KAZN: variants seen among roughly 807,000 people sequenced by gnomAD.
KAZN encodes kazrin, periplakin interacting protein.
In KAZN, 40 loss-of-function variants were observed where a neutral mutation model predicts 87.4. That is an observed-to-expected ratio of 0.46 (90% confidence interval 0.36 to 0.60). The LOEUF is 0.60. Ranked by LOEUF, KAZN falls within the 20% of genes least tolerant of loss-of-function variation. The probability of loss-of-function intolerance (pLI) is 0.00; values close to 1 mark genes in which losing one functional copy is unlikely to be tolerated. For missense variants in KAZN, 898 were observed against 1,073.9 expected (o/e 0.84, Z 2.29); for synonymous variants, 466 against 458.3 (o/e 1.02, Z -0.22).
chr1:14,365,761 G>A (rs1659944621), intron 2 of KAZN, among the ~76,000 whole-genome samples: 1 of 152,154 alleles, frequency 6.6e-6, no homozygotes, highest in Non-Finnish European at 1.5e-5. Flanking sequence ...CCTCAGTTAA[G>A]AACCTCCGGG....
chr1:15,049,032 G>A (rs1674002575), intron 4 of KAZN, among the ~76,000 whole-genome samples: 1 of 152,218 alleles, frequency 6.6e-6, no homozygotes, highest in Admixed American at 6.5e-5. Context: ...ACTCCAGTGA[G>A]GTCTGTATTC....
intron 1 of KAZN, among the ~76,000 whole-genome samples, chr1:14,953,708 A>G (rs1167016460): frequency 6.6e-6 from 1 of 152,180 alleles, no homozygotes; most frequent in African/African-American, 2.4e-5. Context: ...GGCTGGATTT[A>G]CAAACCTACG....
chr1:14,246,720 A>G (rs1649549350), intron 2 of KAZN, among the ~76,000 whole-genome samples: 1 of 152,184 alleles, frequency 6.6e-6, no homozygotes, highest in Non-Finnish European at 1.5e-5. Context: ...GTAAATCTTC[A>G]TAAACAGCCT....
chr1:14,481,432 A>AG (rs1449079672), intron 2 of KAZN, among the ~76,000 whole-genome samples: 1 of 151,850 alleles, frequency 6.6e-6, no homozygotes, highest in African/African-American at 2.4e-5. Flanking sequence ...TAGAAAAAAA[A>AG]CTATCAAATA....
In KAZN at chr1:14,364,506, AGAGTT is replaced by A. The variant is rs1416429477; in HGVS notation, c.249+183915_249+183919del. 9.2e-5 allele frequency among the ~76,000 whole-genome samples: 14 copies of A among 152,154 alleles called. 1 individual carries two copies. The highest frequency in any genetic ancestry group is 1.7e-4 in the African/African-American group (7 of 41,396). On this transcript the variant is annotated intron_variant, in intron 2 of 16. Transcript: ENST00000636203. ...ATGGGAATAATGATGCTGGCCTAAT[AGAGTT>A]ATTTAGCATAACAGTATATAGGAAA...
chr1:14,420,583 C>G (rs1414818837), intron 2 of KAZN, among the ~76,000 whole-genome samples: 3 of 152,338 alleles, frequency 2.0e-5, no homozygotes, highest in Non-Finnish European at 4.4e-5. Context: ...TTGGGCAGCT[C>G]AGGAGCCCAC....
At chr1:14,902,173 G>C (rs1473278240) in intron 1 of KAZN, among the ~76,000 whole-genome samples, 1 of 152,076 alleles carries the variant, frequency 6.6e-6, no homozygotes, top group Admixed American at 6.5e-5. Flanking sequence ...TTTAAGACAT[G>C]CTTTGATGGA....
At chr1:13,943,747 T>C (rs1641029582) in intron 1 of KAZN, among the ~76,000 whole-genome samples, 1 of 151,994 alleles carries the variant, frequency 6.6e-6, no homozygotes, top group South Asian at 2.1e-4. Flanking sequence ...AAGAAGCCTA[T>C]ATGGTATATA....
intron 2 of KAZN, among the ~76,000 whole-genome samples, chr1:14,432,525 C>T (rs574715899): frequency 3.9e-5 from 6 of 152,120 alleles, no homozygotes; most frequent in South Asian, 2.1e-4. Context: ...CGAATCATTG[C>T]GATTGGCTGT....
At chr1:14,733,977 G>A (rs146450220) in intron 1 of KAZN, among the ~76,000 whole-genome samples, 7 of 152,220 alleles carry the variant, frequency 4.6e-5, no homozygotes, top group African/African-American at 1.7e-4. Flanking sequence ...CCCTGGCTTC[G>A]GCCCTTCCCT....
At chr1:14,511,205 T>C (rs1244171635) in intron 2 of KAZN, among the ~76,000 whole-genome samples, 2 of 152,210 alleles carry the variant, frequency 1.3e-5, no homozygotes, top group African/African-American at 2.4e-5. Context: ...GCTGAGACTC[T>C]AGATGTTTCC....
chr1:14,598,554 C>CG (rs1291964377), upstream of KAZN: 3 of 549,702 alleles, frequency 5.5e-6, no homozygotes, highest in Non-Finnish European at 7.0e-6. The surrounding 1 kb of genome is among the most constrained non-coding windows in gnomAD (Gnocchi z 4.2). Context: ...TCCGCCCCCC[C>CG]GGGGGGTGTG....
intron 1 of KAZN, among the ~76,000 whole-genome samples, chr1:14,899,939 G>A (rs909787166): frequency 4.4e-4 from 67 of 152,234 alleles, no homozygotes; most frequent in Non-Finnish European, 5.9e-5. Flanking sequence ...CCTGCTTCCT[G>A]CCCACCCCCT....
At chr1:14,485,962 A>G (rs900997863) in intron 2 of KAZN, among the ~76,000 whole-genome samples, 1 of 151,240 alleles carries the variant, frequency 6.6e-6, no homozygotes, top group Admixed American at 6.6e-5. Context: ...CTCTCTGCCC[A>G]CAGGGTAGTC....
chr1:14,772,777 G>A (rs1645055304), intron 1 of KAZN, among the ~76,000 whole-genome samples: 2 of 152,078 alleles, frequency 1.3e-5, no homozygotes, highest in African/African-American at 4.8e-5. Flanking sequence ...TCTAACCATG[G>A]ATTGATCTTA....
At chr1:14,647,829 A>T (rs1358190271) in intron 1 of KAZN, among the ~76,000 whole-genome samples, 2 of 152,142 alleles carry the variant, frequency 1.3e-5, no homozygotes, top group East Asian at 3.9e-4. Flanking sequence ...CCCGCACCTT[A>T]ACCCCCTAAA....
At chr1:13,995,961 C>G (rs1395461414) in intron 1 of KAZN, among the ~76,000 whole-genome samples, 3 of 152,118 alleles carry the variant, frequency 2.0e-5, no homozygotes, top group Non-Finnish European at 4.4e-5. Flanking sequence ...TGGAAAAGAA[C>G]CATAATAAGT....
At chr1:13,917,897 C>T (rs569319720) in intron 1 of KAZN, among the ~76,000 whole-genome samples, 1 of 151,390 alleles carries the variant, frequency 6.6e-6, no homozygotes, top group East Asian at 1.9e-4. Flanking sequence ...CACATGTTTA[C>T]AGCATGGTTT....
At chr1:14,794,036 T>G (rs865784212) in intron 1 of KAZN, among the ~76,000 whole-genome samples, 4 of 152,174 alleles carry the variant, frequency 2.6e-5, no homozygotes, top group Non-Finnish European at 5.9e-5. Context: ...TCACGAGCAG[T>G]TACATAAGCA....
Sources: gnomAD v4.1 joint callset for allele counts (sites outside exome capture counted in the v4.1 genomes callset) on GRCh38, gnomAD v4.1.1 for gene constraint, Gnocchi (gnomAD v3.1) non-coding constraint, MANE v1.5 for transcripts, NCBI Gene and HGNC (gene_info 2026-07-23, HGNC 2026-07-21) for gene names.